FSTL5: variants seen among roughly 807,000 people sequenced by gnomAD.
FSTL5 encodes follistatin-related protein 5.
Under a neutral mutation model 89.1 loss-of-function variants are expected in FSTL5, and 62 were observed. The ratio of observed to expected loss-of-function variants is 0.70; its 90% CI spans 0.57 to 0.86. The LOEUF is 0.86. FSTL5 is among the 40% of genes least tolerant of loss of function. The pLI, the probability that FSTL5 is intolerant of heterozygous loss-of-function variation, is 0.00. For synonymous variants in FSTL5, 383 were observed against 346.2 expected (o/e 1.11, Z -1.18); for missense variants, 1,057 against 1,001.6 (o/e 1.06, Z -0.75).
At chr4:161,688,501 G>C (rs2126716715) in intron 6 of FSTL5, among the ~76,000 whole-genome samples, 1 of 152,288 alleles carries the variant, frequency 6.6e-6, no homozygotes, top group East Asian at 1.9e-4. Context: ...TTGTGGGTCA[G>C]AGCCAGTCAC....
At chr4:161,934,687 C>A (rs1734385673) in intron 3 of FSTL5, among the ~76,000 whole-genome samples, 1 of 151,740 alleles carries the variant, frequency 6.6e-6, no homozygotes, top group East Asian at 1.9e-4. Flanking sequence ...GAACTGATTT[C>A]ATAGATATAA....
At chr4:161,679,967 T>C (rs1240266452) in intron 6 of FSTL5, among the ~76,000 whole-genome samples, 1 of 151,812 alleles carries the variant, frequency 6.6e-6, no homozygotes, top group African/African-American at 2.4e-5. Context: ...GAGTTTTATA[T>C]TCCAAAAAGT....
At chr4:161,474,461 T>C (rs1210043085) in intron 13 of FSTL5, among the ~76,000 whole-genome samples, 3 of 151,918 alleles carry the variant, frequency 2.0e-5, no homozygotes, top group African/African-American at 4.8e-5. Context: ...TTTATTATAA[T>C]CATATTAGAT....
intron 8 of FSTL5, among the ~76,000 whole-genome samples, chr4:161,579,967 A>C (rs950094086): frequency 3.3e-5 from 5 of 152,100 alleles, no homozygotes; most frequent in Non-Finnish European, 7.4e-5. Context: ...TTTAGACTTT[A>C]AATTATAAGG....
At chr4:161,514,082 C>T (rs1380559371) in intron 10 of FSTL5, among the ~76,000 whole-genome samples, 1 of 152,030 alleles carries the variant, frequency 6.6e-6, no homozygotes, top group Non-Finnish European at 1.5e-5. Context: ...TGATAAAATA[C>T]ATAGCATATT....
intron 2 of FSTL5, among the ~76,000 whole-genome samples, chr4:162,071,375 TA>T (rs1165919565): frequency 6.6e-6 from 1 of 150,916 alleles, no homozygotes; most frequent in South Asian, 2.1e-4. Context: ...AGACTTTAAG[TA>T]AAAAAACACA....
At chr4:161,482,939 C>A (rs1007153237) in intron 12 of FSTL5, among the ~76,000 whole-genome samples, 1 of 152,136 alleles carries the variant, frequency 6.6e-6, no homozygotes, top group Non-Finnish European at 1.5e-5. Context: ...AAGACATAAG[C>A]GGAAAGTCTG....
intron 11 of FSTL5, among the ~76,000 whole-genome samples, chr4:161,500,981 CT>C (rs1191292312): frequency 6.6e-6 from 1 of 152,128 alleles, no homozygotes; most frequent in Non-Finnish European, 1.5e-5. Flanking sequence ...CAGCCCTGAG[CT>C]CTTGTAATCC....
rs540569181 is a variant in FSTL5, at chr4:161,558,567, C to T, written c.1016-15874G>A. On this transcript the variant is annotated intron_variant, in intron 8 of 15. Transcript: ENST00000306100. ...CAAAATGTTACTCTTAACTTTCTCA[C>T]TCAATCCTCTGTTCCTGGTCCCTAG... 5.3e-5 allele frequency among the ~76,000 whole-genome samples: 8 copies of T among 151,870 alleles called. No homozygotes were observed. The South Asian group carries it at 1.7e-3, about 32-fold the overall frequency.
chr4:161,808,363 G>A (rs1279410032), intron 4 of FSTL5, among the ~76,000 whole-genome samples: 6 of 152,078 alleles, frequency 3.9e-5, no homozygotes, highest in Admixed American at 1.3e-4. Context: ...GAACTGTACA[G>A]AGTCCCTGTA....
At position 162,027,471 on chromosome 4, in the gene FSTL5, CTT is replaced by C. The variant is rs1491169775; in HGVS notation, c.160+6152_160+6153del. Among the ~76,000 whole-genome samples, 3 of 151,970 alleles carry C rather than the reference CTT, an allele frequency of 2.0e-5. 1 individual carries two copies. On this transcript the variant is annotated intron_variant, in intron 3 of 15. Coordinates refer to ENST00000306100, the MANE Select transcript of FSTL5 (RefSeq NM_020116.5). ...TGTTTGTCAAAGTACCAATTATTATCTTATATATATAATGGCTTTCAGAATTT... is the reference window on the plus strand; with the variant it reads ...TGTTTGTCAAAGTACCAATTATTATCATATATATAATGGCTTTCAGAATTT...
chr4:162,125,501 A>G (rs2111444326), intron 1 of FSTL5, among the ~76,000 whole-genome samples: 2 of 152,248 alleles, frequency 1.3e-5, no homozygotes, highest in South Asian at 4.1e-4. Context: ...ATTTACCTGT[A>G]TCTGTGGTTA....
chr4:161,923,236 G>A (rs1199408031), intron 3 of FSTL5, among the ~76,000 whole-genome samples: 4 of 151,634 alleles, frequency 2.6e-5, no homozygotes, highest in African/African-American at 9.7e-5. Context: ...GGTCCTGAGG[G>A]CTGCCAGATT....
At position 161,963,133 on chromosome 4, in the gene FSTL5, G is replaced by C. The variant is rs6817125; in HGVS notation, c.161-42481C>G. Among the ~76,000 whole-genome samples, 1,515 of 151,860 alleles carry C rather than the reference G, an allele frequency of 1.0e-2. 24 individuals are homozygous for C. The highest frequency in any genetic ancestry group is 0.034 in the African/African-American group (1,417 of 41,488). ...AGTTAAATACTATGCAAAACACCTGGCAAAATAAGAATACCATGGAAAACA... is the reference window on the plus strand; with the variant it reads ...AGTTAAATACTATGCAAAACACCTGCCAAAATAAGAATACCATGGAAAACA... On this transcript the variant is annotated intron_variant, in intron 3 of 15. Coordinates refer to ENST00000306100, the MANE Select transcript of FSTL5 (RefSeq NM_020116.5).
intron 2 of FSTL5, among the ~76,000 whole-genome samples, chr4:162,110,108 A>G (rs1308989950): frequency 6.6e-6 from 1 of 152,014 alleles, no homozygotes; most frequent in Non-Finnish European, 1.5e-5. Flanking sequence ...AATTTTTACA[A>G]TGATTTTGAC....
At chr4:161,771,806 A>G (rs927988568) in intron 5 of FSTL5, among the ~76,000 whole-genome samples, 4 of 152,176 alleles carry the variant, frequency 2.6e-5, no homozygotes, top group African/African-American at 7.2e-5. Context: ...CACGCCTGTG[A>G]TCCTCACACT....
At chr4:161,548,054 TAAAC>T (rs1732064200) in intron 8 of FSTL5, among the ~76,000 whole-genome samples, 1 of 151,904 alleles carries the variant, frequency 6.6e-6, no homozygotes, top group Admixed American at 6.6e-5. Flanking sequence ...AGTGGAGTAA[TAAAC>T]CATGTTCATG....
chr4:161,542,810 G>A (rs959791076), intron 8 of FSTL5, 117 bp from the exon 9 acceptor site: 4 of 523,484 alleles, frequency 7.6e-6, no homozygotes, highest in Non-Finnish European at 1.2e-5. Flanking sequence ...GATGCTATAC[G>A]TTTCTACAGA....
At position 161,825,099 on chromosome 4, in the gene FSTL5, A is replaced by G. The variant is rs989380081; in HGVS notation, c.410-49025T>C. The stretch of plus-strand genomic sequence containing the variant: ...CAATTTTTCTAAGGGTTTTAATCAT[A>G]AAGGGATGCTGGATTTTGTCAAATG... On this transcript the variant is annotated intron_variant, in intron 4 of 15. Transcript: ENST00000306100. Among the ~76,000 whole-genome samples, 8 of 152,250 alleles carry G rather than the reference A, an allele frequency of 5.3e-5. No homozygotes were observed. In the East Asian group the frequency reaches 1.5e-3, roughly 29 times the overall value.
Sources: gnomAD v4.1 joint callset for allele counts (sites outside exome capture counted in the v4.1 genomes callset) on GRCh38, gnomAD v4.1.1 for gene constraint, MANE v1.5 for transcripts, NCBI Gene and HGNC (gene_info 2026-07-23, HGNC 2026-07-21) for gene names.